The following NUP210L variants were observed in gnomAD, a reference collection of about 807,000 sequenced individuals.
NUP210L encodes the protein nucleoporin 210 like.
In NUP210L, 74 loss-of-function variants were observed where a neutral mutation model predicts 208.5. The observed-to-expected ratio is 0.35, with a 90% CI of 0.29 to 0.43. The LOEUF (loss-of-function observed/expected upper bound fraction) is 0.43. NUP210L is among the 20% of genes least tolerant of loss of function. The probability of loss-of-function intolerance (pLI) is 1.00; values close to 1 mark genes in which losing one functional copy is unlikely to be tolerated. For missense variants in NUP210L, 1,843 were observed against 2,289.4 expected (o/e 0.81, Z 3.98); for synonymous variants, 780 against 816.9 (o/e 0.95, Z 0.77).
chr1:154,138,379 CAA>C (rs1261100054), intron 5 of NUP210L, 141 bp from the exon 6 acceptor site: 1 of 641,506 alleles, frequency 1.6e-6, no homozygotes, highest in Non-Finnish European at 2.4e-6. Context: ...TTCCTAATCA[CAA>C]GTCATAATTT....
At chr1:154,042,064 A>G (rs565872451) in intron 27 of NUP210L, among the ~76,000 whole-genome samples, 1 of 151,774 alleles carries the variant, frequency 6.6e-6, no homozygotes, top group East Asian at 1.9e-4. Flanking sequence ...TAGGAAATCT[A>G]CCCATTGGAG....
At chr1:154,151,067 G>A (rs998224179) in intron 2 of NUP210L, among the ~76,000 whole-genome samples, 2 of 152,082 alleles carry the variant, frequency 1.3e-5, no homozygotes, top group Admixed American at 6.6e-5. Context: ...GTTAAGCTGA[G>A]AGCAAGATTT....
rs551152384 is a variant in NUP210L, at chr1:154,037,185, A to G, written c.3697-7131T>C. Among the ~76,000 whole-genome samples, 4 of 152,284 alleles carry G rather than the reference A, an allele frequency of 2.6e-5. 1 individual carries two copies. In the South Asian group the frequency reaches 8.3e-4, roughly 32 times the overall value. On this transcript the variant is annotated intron_variant, in intron 27 of 39. Coordinates refer to ENST00000368559, the Ensembl canonical transcript of NUP210L. ...CAGCTGTTGAATAGAAGTTCTGTAA[A>G]TATCTATTAGATCCATTTGGTCTAT...
At chr1:154,105,953 C>A (rs2148072770) in intron 12 of NUP210L, among the ~76,000 whole-genome samples, 1 of 152,196 alleles carries the variant, frequency 6.6e-6, no homozygotes, top group Middle Eastern at 3.4e-3. Context: ...TCAGTTTGAA[C>A]AAAGGAGAGT....
intron 17 of NUP210L, among the ~76,000 whole-genome samples, chr1:154,068,165 A>T (rs912967205): frequency 2.0e-5 from 3 of 152,160 alleles, no homozygotes; most frequent in African/African-American, 7.2e-5. Flanking sequence ...GAGGCATCAC[A>T]CTACCTGACT....
At chr1:154,054,686 A>C in intron 24 of NUP210L, 84 bp downstream of exon 24, 1 of 1,013,070 alleles carries the variant, frequency 9.9e-7, no homozygotes, top group Non-Finnish European at 1.5e-6. Context: ...TAAGAGATCA[A>C]TAGGAAGAGA....
intron 34 of NUP210L, among the ~76,000 whole-genome samples, chr1:154,011,138 T>C (rs182199083): frequency 6.6e-6 from 1 of 152,026 alleles, no homozygotes; most frequent in East Asian, 1.9e-4. Flanking sequence ...GACTGATGCA[T>C]GAGGTTTCTC....
exon 13 of NUP210L, chr1:154,104,141 T>A: frequency 6.2e-7 from 1 of 1,614,036 alleles, no homozygotes; most frequent in Non-Finnish European, 8.5e-7. Flanking sequence ...GGTATTTCTA[T>A]AATCTGGCCA....
chr1:154,084,126 A>G (rs1655504530), intron 16 of NUP210L, among the ~76,000 whole-genome samples: 1 of 136,096 alleles, frequency 7.3e-6, no homozygotes, highest in Non-Finnish European at 1.5e-5. Context: ...TGGAGCTTCC[A>G]CTTACCTGGC....
chr1:154,081,221 T>C (rs766101953), intron 16 of NUP210L, among the ~76,000 whole-genome samples: 2 of 148,028 alleles, frequency 1.4e-5, no homozygotes, highest in Non-Finnish European at 3.0e-5. Flanking sequence ...GGGTCACAAG[T>C]ATAAGGATGG....
chr1:154,056,967 T>G lies in NUP210L; in HGVS notation c.3108-20A>C. 6.2e-7 allele frequency: 1 copy of G among 1,604,394 alleles called. No individual in the cohort carries two copies. The highest frequency in any genetic ancestry group is 8.5e-7 in the Non-Finnish European group (1 of 1,177,098). On this transcript the variant is annotated intron_variant, in intron 22 of 39. Coordinates refer to ENST00000368559, the Ensembl canonical transcript of NUP210L. ...ATTGGTCTGCAAAAACCCATGTATT[T>G]TCAGGTGAGAAAGATTTTTGTTTTG...
chr1:154,025,020 C>CG (rs1651787836), intron 30 of NUP210L, among the ~76,000 whole-genome samples: 1 of 150,026 alleles, frequency 6.7e-6, no homozygotes, highest in Non-Finnish European at 1.5e-5. Flanking sequence ...CTCCGCCCCC[C>CG]GGGGTTCACG....
exon 15 of NUP210L, chr1:154,094,963 C>A: frequency 6.2e-7 from 1 of 1,613,952 alleles, no homozygotes; most frequent in Non-Finnish European, 8.5e-7. Flanking sequence ...GCATTGGATC[C>A]GGTAGATGTA....
intron 2 of NUP210L, among the ~76,000 whole-genome samples, chr1:154,151,657 C>A (rs151204770): frequency 5.5e-4 from 83 of 152,150 alleles, no homozygotes; most frequent in African/African-American, 1.8e-3. Context: ...TTTAAAAATT[C>A]TTTTAATTTA....
intron 2 of NUP210L, among the ~76,000 whole-genome samples, chr1:154,148,639 T>A (rs1417558990): frequency 6.6e-6 from 1 of 152,242 alleles, no homozygotes; most frequent in South Asian, 2.1e-4. Flanking sequence ...TTCTGTATTA[T>A]CTTTACATCT....
At chr1:154,089,706 C>T (rs1172733453) in intron 15 of NUP210L, 112 bp from the exon 16 acceptor site, 3 of 822,726 alleles carry the variant, frequency 3.6e-6, no homozygotes, top group Non-Finnish European at 5.9e-6. Context: ...GTCCCTTTCA[C>T]ATTATAATCC....
intron 17 of NUP210L, among the ~76,000 whole-genome samples, chr1:154,065,970 A>G (rs943222842): frequency 3.3e-5 from 5 of 151,730 alleles, no homozygotes; most frequent in Non-Finnish European, 7.4e-5. Flanking sequence ...TAAGAAACTC[A>G]CTCAAAATCG....
intron 27 of NUP210L, among the ~76,000 whole-genome samples, chr1:154,032,950 G>GAA (rs1652317436): frequency 1.8e-4 from 23 of 124,468 alleles, no homozygotes; most frequent in African/African-American, 7.1e-4. Context: ...AAGAAAGAAA[G>GAA]AAGAAAAGAA....
At chr1:154,086,636 C>T (rs1224792830) in intron 16 of NUP210L, among the ~76,000 whole-genome samples, 1 of 151,422 alleles carries the variant, frequency 6.6e-6, no homozygotes, top group Non-Finnish European at 1.5e-5. Flanking sequence ...TATAGTGAGA[C>T]CTCATCTCTA....
Sources: allele counts gnomAD v4.1 joint callset (sites outside exome capture counted in the v4.1 genomes callset), GRCh38; gene constraint gnomAD v4.1.1; transcripts MANE v1.5; gene names NCBI Gene and HGNC (gene_info 2026-07-23, HGNC 2026-07-21).